Variants in APOBEC3G observed in about 807,000 individuals in gnomAD.
APOBEC3G encodes DNA dC->dU-editing enzyme APOBEC-3G.
In APOBEC3G, 44 loss-of-function variants were observed where a neutral mutation model predicts 50.0. The observed-to-expected ratio is 0.88, with a 90% CI of 0.69 to 1.13. APOBEC3G has a LOEUF of 1.13. Ranked by LOEUF, APOBEC3G falls within the 50% of genes most tolerant of loss-of-function variation. The pLI, the probability that APOBEC3G is intolerant of heterozygous loss-of-function variation, is 0.00. For missense variants in APOBEC3G, 469 were observed against 492.0 expected (o/e 0.95, Z 0.44); for synonymous variants, 156 against 175.3 (o/e 0.89, Z 0.87).
intron 4 of APOBEC3G, chr22:39,081,867 C>T (rs1189503707): frequency 1.0e-5 from 4 of 388,088 alleles, no homozygotes; most frequent in Non-Finnish European, 1.9e-5. Context: ...GGAGCCCCAA[C>T]CTGGCCCCTT....
chr22:39,081,372 C>G (rs6001417), intron 3 of APOBEC3G, 99 bp from the exon 4 acceptor site: 75,335 of 1,528,160 alleles, frequency 0.049, 6,185 homozygotes, highest in African/African-American at 0.37. Context: ...CTGGCGCTGA[C>G]TGTAACTAGT....
intron 4 of APOBEC3G, chr22:39,082,461 C>CA (rs1483953887): frequency 6.6e-6 from 1 of 152,104 alleles, no homozygotes; most frequent in Middle Eastern, 3.2e-3. Flanking sequence ...CCATCTCTAC[C>CA]AAAAATACAA....
chr22:39,078,717 TCTC>T, intron 1 of APOBEC3G: 2 of 590,458 alleles, frequency 3.4e-6, no homozygotes, highest in African/African-American at 1.9e-5. Flanking sequence ...TGTCTCTCTC[TCTC>T]TTTTTTTTTG....
intron 7 of APOBEC3G, 126 bp from the exon 8 acceptor site, chr22:39,087,281 C>T (rs1928739398): frequency 6.3e-7 from 1 of 1,597,182 alleles, no homozygotes; most frequent in Non-Finnish European, 8.6e-7. Context: ...TCACAGCCTC[C>T]CTTTCTCTCC....
At chr22:39,086,170 G>A (rs1176845865) in intron 5 of APOBEC3G, 109 bp from the exon 6 acceptor site, 1 of 1,240,062 alleles carries the variant, frequency 8.1e-7, no homozygotes, top group Non-Finnish European at 1.1e-6. Context: ...CTGGTGTGGT[G>A]GTGCATGCCT....
chr22:39,083,518 G>A (rs1010174001), intron 4 of APOBEC3G, among the ~76,000 whole-genome samples: 7 of 152,234 alleles, frequency 4.6e-5, no homozygotes, highest in African/African-American at 7.2e-5. Flanking sequence ...CAGGGCTGCC[G>A]TGATCTCCCA....
At chr22:39,084,891 A>G (rs1462599697) in intron 5 of APOBEC3G, among the ~76,000 whole-genome samples, 1 of 152,154 alleles carries the variant, frequency 6.6e-6, no homozygotes, top group Admixed American at 6.5e-5. Context: ...CTGGCTGGAG[A>G]GGCCAAATTC....
At chr22:39,078,306 G>GA (rs1013036138) in intron 1 of APOBEC3G, among the ~76,000 whole-genome samples, 25 of 152,074 alleles carry the variant, frequency 1.6e-4, no homozygotes, top group Admixed American at 4.6e-4. Context: ...GAATATATGG[G>GA]AAAAAAACTC....
chr22:39,081,781 T>C, intron 4 of APOBEC3G, 196 bp downstream of exon 4: 1 of 544,886 alleles, frequency 1.8e-6, no homozygotes, highest in Non-Finnish European at 3.3e-6. Flanking sequence ...GCCTCCCACC[T>C]GCTTTCCTGG....
intron 2 of APOBEC3G, chr22:39,080,729 T>A (rs1352213852): frequency 1.7e-6 from 1 of 584,788 alleles, no homozygotes; most frequent in African/African-American, 1.9e-5. Context: ...AGGTGCCACC[T>A]CTTAAGGCCA....
chr22:39,087,533 C>G lies in APOBEC3G; in HGVS notation c.*112C>G. ...GTTCACCACCATCTCCAGCTGATCA[C>G]AGACACCAGCAAAGCAATGCACTCC... On this transcript the variant is annotated 3_prime_UTR_variant, in exon 8 of 8. Transcript: ENST00000407997. 6.3e-7 allele frequency: 1 copy of G among 1,595,652 alleles called. No individual in the cohort carries two copies. The highest frequency in any genetic ancestry group is 1.7e-4 in the Middle Eastern group (1 of 5,998).
At chr22:39,086,209 C>A in intron 5 of APOBEC3G, 70 bp from the exon 6 acceptor site, 4 of 1,498,408 alleles carry the variant, frequency 2.7e-6, no homozygotes, top group Non-Finnish European at 3.6e-6. Context: ...ACACTCCAGC[C>A]TGGGCAACAA....
In APOBEC3G at chr22:39,079,032, A is replaced by C. The variant is rs765752937; in HGVS notation, c.118A>C (p.Lys40Gln). 16 of 1,614,118 alleles carry C rather than the reference A, an allele frequency of 9.9e-6. No homozygotes were observed. The highest frequency in any genetic ancestry group is 2.5e-6 in the Non-Finnish European group (3 of 1,180,036). Residue 40 changes from lysine to glutamine, a missense_variant, in exon 2 of 8, where the codon AAA (lysine) becomes CAA (glutamine). Physicochemically the swap from Lys to Gln is moderately conservative, Grantham distance 53. Transcript: ENST00000407997. ...RNTVWLCYEV[K>Q]TKGPSRPPLD... is the part of the protein sequence containing the mutation. ...TACCGTCTGGCTGTGCTACGAAGTG[A>C]AAACAAAGGGTCCCTCAAGGCCCCC...
intron 2 of APOBEC3G, chr22:39,079,367 G>C (rs1601518661): frequency 8.5e-6 from 3 of 352,684 alleles, no homozygotes. Context: ...GCTCAGGCTG[G>C]AGTGCAATGA....
At chr22:39,080,564 T>TATTTGAGCC (rs1928391153) in intron 2 of APOBEC3G, 1 of 243,754 alleles carries the variant, frequency 4.1e-6, no homozygotes, top group Non-Finnish European at 8.1e-6. Flanking sequence ...TCACTGCTGC[T>TATTTGAGCC]CCGTGACATG....
At chr22:39,080,856 C>CCAACAA in intron 2 of APOBEC3G, 77 bp from the exon 3 acceptor site, 1 of 1,239,960 alleles carries the variant, frequency 8.1e-7, no homozygotes, top group Non-Finnish European at 1.1e-6. Context: ...TGTCCTGGCC[C>CCAACAA]CTCCTCCCCC....
At position 39,087,649 on chromosome 22, in the gene APOBEC3G, C is replaced by A; in HGVS notation, c.*228C>A. The stretch of plus-strand genomic sequence containing the variant: ...AAGAATAAAGTACTAAGATTGTGCT[C>A]AATACACAGAAAAGTTTCAAACCTA... On this transcript the variant is annotated 3_prime_UTR_variant, in exon 8 of 8. Transcript: ENST00000407997. 2 of 874,804 alleles carry A rather than the reference C, an allele frequency of 2.3e-6. No individual in the cohort carries two copies. Among genetic ancestry groups the A allele is most frequent in the Non-Finnish European group, 3.4e-6 (2 of 593,470 alleles). The allele number at this position is 874,804 out of a possible 1,614,324, so 54.2% of individuals were successfully genotyped here. A position where few individuals can be genotyped will look rare whatever the true frequency, so the allele number is the denominator to read the frequency against.
intron 5 of APOBEC3G, 119 bp from the exon 6 acceptor site, chr22:39,086,160 C>T (rs1928679174): frequency 8.7e-7 from 1 of 1,152,454 alleles, no homozygotes; most frequent in Admixed American, 2.6e-5. Flanking sequence ...CAAAATTAGC[C>T]TGGTGTGGTG....
chr22:39,079,387 G>A (rs1296893275), intron 2 of APOBEC3G: 47 of 275,928 alleles, frequency 1.7e-4, no homozygotes, highest in African/African-American at 9.9e-4. Context: ...ACGCGATCTC[G>A]GCTCACAGCA....
Sources: allele counts gnomAD v4.1 joint callset (sites outside exome capture counted in the v4.1 genomes callset), GRCh38; gene constraint gnomAD v4.1.1; transcripts MANE v1.5; gene names NCBI Gene and HGNC (gene_info 2026-07-23, HGNC 2026-07-21).